The following POFUT1 variants were observed in gnomAD, a reference collection of about 807,000 sequenced individuals.
POFUT1 encodes GDP-fucose protein O-fucosyltransferase 1.
A neutral mutation model predicts 42.4 loss-of-function variants in POFUT1; 16 were observed. The observed-to-expected ratio is 0.38, with a 90% confidence interval of 0.26 to 0.57. POFUT1 has a LOEUF of 0.57. POFUT1 is among the 20% of genes least tolerant of loss of function. POFUT1 has a pLI of 0.71. For missense variants in POFUT1, 470 were observed against 504.6 expected (o/e 0.93, Z 0.66); for synonymous variants, 206 against 205.4 (o/e 1.00, Z -0.03).
intron 6 of POFUT1, among the ~76,000 whole-genome samples, chr20:32,232,752 G>A (rs2047449626): frequency 6.6e-6 from 1 of 151,898 alleles, no homozygotes; most frequent in Non-Finnish European, 1.5e-5. Flanking sequence ...TTTGGAGTCA[G>A]TGTATCTGTT....
rs2047462479 is a variant in POFUT1 at position 32,234,958 on chromosome 20, T to A, written c.*297T>A. On this transcript the variant is annotated 3_prime_UTR_variant, in exon 7 of 7. Coordinates refer to ENST00000375749, the MANE Select transcript of POFUT1 (RefSeq NM_015352.2). The stretch of plus-strand genomic sequence containing the variant: ...CTCCGTCTTCTGGTCCACTCTGCTC[T>A]GAGCAGCCTGGGATGCTGAACTCTT... 3.3e-6 allele frequency: 1 copy of A among 307,476 alleles called. No homozygotes were observed. The highest frequency in any genetic ancestry group is 6.0e-6 in the Non-Finnish European group (1 of 166,012). The allele number at this position is 307,476 out of a possible 1,614,324, so 19.0% of individuals were successfully genotyped here.
intron 5 of POFUT1, among the ~76,000 whole-genome samples, chr20:32,229,721 T>C (rs753971685): frequency 5.3e-5 from 8 of 152,144 alleles, no homozygotes; most frequent in Admixed American, 1.3e-4. Flanking sequence ...ATGCCAGGCT[T>C]TCTGTGCTGT....
chr20:32,208,085 C>G lies in POFUT1; in HGVS notation c.124+20C>G. The G allele has an allele frequency of 6.5e-7, 1 of 1,539,408 alleles. No homozygotes were observed. Among genetic ancestry groups the G allele is most frequent in the Non-Finnish European group, 8.7e-7 (1 of 1,146,828 alleles). ...GCATGGGTAAGGCCTCCCAAGCCCT[C>G]TGCTCAGATGGAGAAACTGAGGCCG... is the stretch of plus-strand genomic sequence containing the variant. On this transcript the variant is annotated intron_variant, in intron 1 of 6. Transcript: ENST00000375749.
chr20:32,218,514 G>A (rs548387380), intron 4 of POFUT1, among the ~76,000 whole-genome samples: 2 of 152,324 alleles, frequency 1.3e-5, no homozygotes, highest in East Asian at 3.9e-4. Context: ...TCTGGGACTT[G>A]CCTTTGGACC....
rs111551822 is a variant in POFUT1, at chr20:32,215,108, C to T, written c.247-161C>T. On this transcript the variant is annotated intron_variant, in intron 2 of 6. Coordinates refer to ENST00000375749, the MANE Select transcript of POFUT1 (RefSeq NM_015352.2). ...TTCACCATGTTGGCCAGGCTGGTCT[C>T]GAACTCCTGACCTCAAGTGATCCGC... 0.058 allele frequency among the ~76,000 whole-genome samples: 8,813 copies of T among 152,164 alleles called. 906 individuals are homozygous for T. Among genetic ancestry groups the T allele is most frequent in the African/African-American group, 0.2 (8,344 of 41,466 alleles).
intron 5 of POFUT1, 125 bp from the exon 6 acceptor site, chr20:32,230,694 C>CAA (rs35523833): frequency 4.5e-3 from 4,067 of 907,154 alleles, no homozygotes; most frequent in Middle Eastern, 5.6e-3. Context: ...GACTCCGTCT[C>CAA]AAAAAAAAAA....
intron 3 of POFUT1, 24 bp downstream of exon 3, chr20:32,215,475 C>T (rs532691196): frequency 2.2e-5 from 35 of 1,586,442 alleles, no homozygotes; most frequent in African/African-American, 6.7e-5. Context: ...GTTCGGGGGC[C>T]CTTTCTTCCT....
At position 32,222,319 on chromosome 20, in the gene POFUT1, A is replaced by C. The variant is rs564197676; in HGVS notation, c.542+5598A>C. ...CTTCGCCTCAAAAAAAGAGAAAAAG[A>C]ATCAGGCTTCCATCTCTTTGTTCAG... is the stretch of plus-strand genomic sequence containing the variant. On this transcript the variant is annotated intron_variant, in intron 4 of 6. Coordinates refer to ENST00000375749, the MANE Select transcript of POFUT1 (RefSeq NM_015352.2). Among the ~76,000 whole-genome samples the C allele has an allele frequency of 3.3e-5, 5 of 152,262 alleles. No individual in the cohort carries two copies. In the South Asian group the frequency reaches 1.0e-3, roughly 32 times the overall value.
At chr20:32,222,473 G>A (rs6141639) in intron 4 of POFUT1, among the ~76,000 whole-genome samples, 53,209 of 151,950 alleles carry the variant, frequency 0.35, 10,636 homozygotes, top group East Asian at 0.72. Context: ...AGCCTTCCCG[G>A]AAGTCCATTA....
chr20:32,216,490 G>C (rs1050253529), intron 3 of POFUT1, 119 bp from the exon 4 acceptor site: 7 of 667,480 alleles, frequency 1.0e-5, no homozygotes, highest in African/African-American at 5.4e-5. Flanking sequence ...AGGCCATCCT[G>C]TGAGAGTGTT....
rs2047472103 is a variant in POFUT1 at position 32,236,601 on chromosome 20, T to C, written c.*1940T>C. Reference sequence around the variant, plus strand: ...TTCTGTGAGCTAGCACTTTTTCCTCTGACCCAATTTTCTTACCTATAAAAT... The same window carrying C: ...TTCTGTGAGCTAGCACTTTTTCCTCCGACCCAATTTTCTTACCTATAAAAT... On this transcript the variant is annotated 3_prime_UTR_variant, in exon 7 of 7. Transcript: ENST00000375749. 6.6e-6 allele frequency: 1 copy of C among 152,234 alleles called. No homozygotes were observed. Among genetic ancestry groups the C allele is most frequent in the African/African-American group, 2.4e-5 (1 of 41,462 alleles). The allele number at this position is 152,234 out of a possible 1,614,324, so 9.4% of individuals were successfully genotyped here.
At chr20:32,219,801 A>G (rs576807987) in intron 4 of POFUT1, among the ~76,000 whole-genome samples, 7 of 152,082 alleles carry the variant, frequency 4.6e-5, no homozygotes, top group Non-Finnish European at 8.8e-5. Flanking sequence ...CCGGCCAACA[A>G]CAAGTTATTA....
intron 4 of POFUT1, 54 bp downstream of exon 4, chr20:32,216,775 A>T: frequency 7.2e-7 from 1 of 1,384,702 alleles, no homozygotes; most frequent in Non-Finnish European, 1.0e-6. Context: ...GGAGCTCATG[A>T]GCATTCAGCA....
intron 4 of POFUT1, among the ~76,000 whole-genome samples, chr20:32,222,480 A>G (rs1320608343): frequency 6.6e-6 from 1 of 152,214 alleles, no homozygotes; most frequent in Non-Finnish European, 1.5e-5. Context: ...CCGGAAGTCC[A>G]TTATAACCCT....
At chr20:32,233,293 C>T (rs938426448) in intron 6 of POFUT1, among the ~76,000 whole-genome samples, 1 of 152,100 alleles carries the variant, frequency 6.6e-6, no homozygotes, top group African/African-American at 2.4e-5. Flanking sequence ...GGAGCGCTTC[C>T]CCAAGGAGGC....
chr20:32,214,321 C>T (rs111648965), intron 2 of POFUT1, among the ~76,000 whole-genome samples: 8,761 of 151,986 alleles, frequency 0.058, 901 homozygotes, highest in African/African-American at 0.2. Flanking sequence ...GACAGGGTCT[C>T]GCTATGTTGT....
intron 4 of POFUT1, chr20:32,222,809 C>T: frequency 1.0e-6 from 1 of 985,236 alleles, no homozygotes; most frequent in Non-Finnish European, 1.2e-6. Flanking sequence ...GAAGGCAATG[C>T]ACCATCGTGC....
rs886340006 is a variant in POFUT1, at chr20:32,209,998, C to T, written c.125-73C>T. The T allele has an allele frequency of 7.6e-6, 12 of 1,575,842 alleles. No individual in the cohort carries two copies. The African/African-American group carries it at 1.3e-4, about 18-fold the overall frequency. ...TGACTTTCTACCCCTGGCTCCACAACCTTTCTGAGCCCTGCATGCTCTATG... is the reference window on the plus strand; with the variant it reads ...TGACTTTCTACCCCTGGCTCCACAATCTTTCTGAGCCCTGCATGCTCTATG... On this transcript the variant is annotated intron_variant, in intron 1 of 6. Transcript: ENST00000375749.
rs147789063 is a variant in POFUT1, at chr20:32,234,535, C to T, written c.1041C>T (p.Ala347=). The change falls in exon 7 of 7, where the codon GCC becomes GCT. Residue 347 remains alanine (A), a synonymous_variant. Transcript: ENST00000375749. ...AQVDLYILGQ[A]DHFIGNCVSS... The stretch of plus-strand genomic sequence containing the variant: ...TCGACCTGTACATCCTCGGCCAAGC[C>T]GACCACTTTATTGGCAACTGTGTCT... The T allele has an allele frequency of 5.0e-6, 8 of 1,614,146 alleles. No individual in the cohort carries two copies. Among genetic ancestry groups the T allele is most frequent in the South Asian group, 1.1e-5 (1 of 91,092 alleles).
Sources: allele counts gnomAD v4.1 joint callset (sites outside exome capture counted in the v4.1 genomes callset), GRCh38; gene constraint gnomAD v4.1.1; transcripts MANE v1.5; gene names NCBI Gene and HGNC (gene_info 2026-07-23, HGNC 2026-07-21).